COP1: variants seen among roughly 807,000 people sequenced by gnomAD.
COP1 encodes COP1 E3 ubiquitin ligase, also known as E3 ubiquitin-protein ligase COP1.
COP1 carries 24 observed loss-of-function variants against 101.3 expected under a neutral mutation model. The observed-to-expected ratio is 0.24, with a 90% confidence interval of 0.17 to 0.33. COP1 has a LOEUF of 0.33. COP1 is among the 10% of genes least tolerant of loss of function. COP1 has a pLI of 1.00. For synonymous variants in COP1, 347 were observed against 341.9 expected (o/e 1.01, Z -0.17); for missense variants, 663 against 906.2 (o/e 0.73, Z 3.45).
At chr1:176,156,672 T>C (rs1558223398) in intron 5 of COP1, among the ~76,000 whole-genome samples, 1 of 152,118 alleles carries the variant, frequency 6.6e-6, no homozygotes, top group Non-Finnish European at 1.5e-5. Flanking sequence ...AAAGCAGACT[T>C]CAGAACAATA....
intron 11 of COP1, among the ~76,000 whole-genome samples, chr1:176,062,744 CAAATA>C (rs1558031111): frequency 7.1e-6 from 1 of 140,864 alleles, no homozygotes; most frequent in African/African-American, 2.6e-5. Context: ...CAAGTTTATT[CAAATA>C]AATAAACTGT....
intron 11 of COP1, among the ~76,000 whole-genome samples, chr1:176,078,649 C>T (rs1014831729): frequency 6.7e-5 from 10 of 148,320 alleles, no homozygotes; most frequent in African/African-American, 2.5e-4. Context: ...ACAAGTGGGA[C>T]CTAATTAAAT....
At chr1:176,166,051 A>G (rs1198647446) in intron 3 of COP1, among the ~76,000 whole-genome samples, 2 of 152,242 alleles carry the variant, frequency 1.3e-5, no homozygotes, top group Non-Finnish European at 2.9e-5. Flanking sequence ...TTGATTCTCA[A>G]TAACAATACT....
intron 3 of COP1, among the ~76,000 whole-genome samples, chr1:176,170,258 T>C (rs1304863707): frequency 6.6e-6 from 1 of 152,174 alleles, no homozygotes; most frequent in Non-Finnish European, 1.5e-5. Context: ...GAAACATGAG[T>C]GTTCTTAATG....
rs540324410 is a variant in COP1 at position 176,185,127 on chromosome 1, AT to A, written c.408-436del. 1.3e-3 allele frequency among the ~76,000 whole-genome samples: 198 copies of A among 152,300 alleles called. 2 individuals are homozygous for A. The highest frequency in any genetic ancestry group is 4.4e-3 in the African/African-American group (184 of 41,564). On this transcript the variant is annotated intron_variant, in intron 1 of 19. Transcript: ENST00000367669. ...TAATTCCTTGAGTGATAAATTTATTATTCTAGTTTCGACAATGCTTGTAGGT... is the reference window on the plus strand; with the variant it reads ...TAATTCCTTGAGTGATAAATTTATTATCTAGTTTCGACAATGCTTGTAGGT...
chr1:176,125,696 T>G (rs1311526664), intron 8 of COP1, among the ~76,000 whole-genome samples: 1 of 152,198 alleles, frequency 6.6e-6, no homozygotes, highest in Non-Finnish European at 1.5e-5. Flanking sequence ...CAGGACAGCT[T>G]TGGCTCTTCT....
intron 1 of COP1, among the ~76,000 whole-genome samples, chr1:176,199,230 T>C (rs1023960839): frequency 6.6e-6 from 1 of 152,072 alleles, no homozygotes. Context: ...GGCAGGAGAA[T>C]TGCTTGAACC....
chr1:175,966,878 T>TA (rs1203137348), intron 18 of COP1, among the ~76,000 whole-genome samples: 1 of 152,118 alleles, frequency 6.6e-6, no homozygotes, highest in Admixed American at 6.5e-5. Context: ...AAAGTCAACA[T>TA]ACATGGCATT....
intron 15 of COP1, among the ~76,000 whole-genome samples, chr1:176,005,544 A>T (rs1382378582): frequency 2.6e-5 from 4 of 151,946 alleles, no homozygotes; most frequent in African/African-American, 9.7e-5. Flanking sequence ...AGATTCTGGT[A>T]TGTTGTGTCT....
chr1:176,182,320 G>C (rs558830432), intron 2 of COP1, among the ~76,000 whole-genome samples: 17 of 152,324 alleles, frequency 1.1e-4, no homozygotes, highest in African/African-American at 3.1e-4. Context: ...CAAAGGTTAG[G>C]TAAGTTTCAG....
chr1:176,187,746 G>A (rs755189197), intron 1 of COP1, among the ~76,000 whole-genome samples: 24 of 152,042 alleles, frequency 1.6e-4, no homozygotes, highest in Non-Finnish European at 2.1e-4. Context: ...TCTATGAGGC[G>A]CTCAATACAA....
intron 10 of COP1, among the ~76,000 whole-genome samples, chr1:176,082,567 G>A (rs933083399): frequency 3.9e-5 from 6 of 152,222 alleles, no homozygotes; most frequent in South Asian, 2.1e-4. Flanking sequence ...AGTACTTTGG[G>A]AGGCCGAGGC....
chr1:176,129,879 T>G (rs1337776162), intron 8 of COP1, among the ~76,000 whole-genome samples: 4 of 151,852 alleles, frequency 2.6e-5, no homozygotes, highest in Non-Finnish European at 5.9e-5. Flanking sequence ...TAACGAATAG[T>G]ATGCTAACGT....
intron 15 of COP1, among the ~76,000 whole-genome samples, chr1:176,016,697 T>A (rs1277315785): frequency 6.6e-6 from 1 of 152,220 alleles, no homozygotes; most frequent in Non-Finnish European, 1.5e-5. Context: ...TAATACACTT[T>A]TATTGTGTTT....
Position 175,995,668 on chromosome 1 carries a change from A to G in COP1, c.1730-6189T>C, listed in dbSNP as rs1223067386. Among the ~76,000 whole-genome samples the G allele has an allele frequency of 2.6e-5, 4 of 152,378 alleles. No individual in the cohort carries two copies. The East Asian group carries it at 7.7e-4, about 29-fold the overall frequency. On this transcript the variant is annotated intron_variant, in intron 15 of 19. Coordinates refer to ENST00000367669, the MANE Select transcript of COP1 (RefSeq NM_022457.7). ...CTAGAACAAATGGATAAATTCCTCG[A>G]CACATACACCCTCCCAAGACTAAAC...
chr1:176,065,773 T>C (rs541166558), intron 11 of COP1, among the ~76,000 whole-genome samples: 1 of 147,300 alleles, frequency 6.8e-6, no homozygotes, highest in East Asian at 2.1e-4. Context: ...AGTGGCGCAA[T>C]CTTGGCTCAC....
chr1:176,025,137 T>G (rs1479810118), intron 15 of COP1, among the ~76,000 whole-genome samples: 1 of 152,116 alleles, frequency 6.6e-6, no homozygotes, highest in Non-Finnish European at 1.5e-5. Context: ...TGCTTCTAAT[T>G]AAGAAACAGT....
intron 1 of COP1, among the ~76,000 whole-genome samples, chr1:176,194,823 T>C (rs1296826337): frequency 5.3e-5 from 8 of 151,640 alleles, no homozygotes; most frequent in African/African-American, 1.9e-4. Context: ...TGCCTGTAAT[T>C]CCAGCACTAT....
At chr1:176,205,333 T>C (rs1017472386) in intron 1 of COP1, among the ~76,000 whole-genome samples, 1 of 152,178 alleles carries the variant, frequency 6.6e-6, no homozygotes, top group Non-Finnish European at 1.5e-5. Context: ...ACAGATTAAT[T>C]CTGATAAAGA....
Sources: gnomAD v4.1 joint callset for allele counts (sites outside exome capture counted in the v4.1 genomes callset) on GRCh38, gnomAD v4.1.1 for gene constraint, MANE v1.5 for transcripts, NCBI Gene and HGNC (gene_info 2026-07-23, HGNC 2026-07-21) for gene names.